The following CRADD variants were observed in gnomAD, a reference collection of about 807,000 sequenced individuals.
CRADD encodes CARD and death domain containing adaptor protein, also known as death domain-containing protein CRADD.
Under a neutral mutation model 15.5 loss-of-function variants are expected in CRADD, and 9 were observed. The ratio of observed to expected loss-of-function variants is 0.58; its 90% confidence interval spans 0.35 to 1.01. CRADD has a LOEUF of 1.01. Ranked by LOEUF, CRADD falls within the 50% of genes least tolerant of loss-of-function variation. CRADD has a pLI of 0.02. For synonymous variants in CRADD, 118 were observed against 107.6 expected, an observed-to-expected ratio of 1.10 and a Z score of -0.60; for missense variants, 227 against 250.3, an observed-to-expected ratio of 0.91 and a Z score of 0.63.
At chr12:93,783,231 T>G (rs1270615750) in intron 2 of CRADD, among the ~76,000 whole-genome samples, 1 of 19,230 alleles carries the variant, frequency 5.2e-5, no homozygotes, top group Non-Finnish European at 1.2e-4. Context: ...GGTATAGGTA[T>G]TATTATTATT....
chr12:93,760,974 T>C (rs1294512483), intron 2 of CRADD, among the ~76,000 whole-genome samples: 2 of 151,806 alleles, frequency 1.3e-5, no homozygotes, highest in Non-Finnish European at 2.9e-5. Flanking sequence ...GCCAGGGCTG[T>C]AAGGTGGGCA....
intron 2 of CRADD, among the ~76,000 whole-genome samples, chr12:93,707,195 G>A (rs1362183379): frequency 6.6e-6 from 1 of 152,186 alleles, no homozygotes; most frequent in African/African-American, 2.4e-5. Context: ...ATGATTGGGA[G>A]GAAGGCACTC....
chr12:93,772,368 G>A (rs1474244239), intron 2 of CRADD, among the ~76,000 whole-genome samples: 2 of 152,192 alleles, frequency 1.3e-5, no homozygotes, highest in Non-Finnish European at 2.9e-5. Flanking sequence ...CTTTACAAAA[G>A]AGGCAATATG....
rs1303352745 is a variant in CRADD, at chr12:93,683,049, A to G, written c.298+3977A>G. 2.0e-5 allele frequency among the ~76,000 whole-genome samples: 3 copies of G among 152,208 alleles called. No homozygotes were observed. The East Asian group carries it at 5.8e-4, about 29-fold the overall frequency. ...GCTCCTGTCAGGTCATTTAGGAGATAGGGACAGTGCCGTGTCTGGGTGAAG... is the reference window on the plus strand; with the variant it reads ...GCTCCTGTCAGGTCATTTAGGAGATGGGGACAGTGCCGTGTCTGGGTGAAG... On this transcript the variant is annotated intron_variant, in intron 2 of 2. Transcript: ENST00000332896.
chr12:93,700,591 C>T lies in CRADD; in HGVS notation c.298+21519C>T, dbSNP rs770272109. ...AACGACAGGCGCCCACCACCATGCC[C>T]GGCTAATTTTTTGTATTTTTAGTAG... On this transcript the variant is annotated intron_variant, in intron 2 of 2. Transcript: ENST00000332896. 2.6e-5 allele frequency among the ~76,000 whole-genome samples: 4 copies of T among 152,106 alleles called. No individual in the cohort carries two copies. In the East Asian group the frequency reaches 5.8e-4, roughly 22 times the overall value.
chr12:93,730,962 C>T (rs1230955120), intron 2 of CRADD, among the ~76,000 whole-genome samples: 3 of 152,146 alleles, frequency 2.0e-5, no homozygotes, highest in African/African-American at 7.2e-5. Flanking sequence ...AACTGATCTG[C>T]CTGCCTTGGC....
chr12:93,743,883 T>G (rs1363420078), intron 2 of CRADD, among the ~76,000 whole-genome samples: 2 of 152,204 alleles, frequency 1.3e-5, no homozygotes, highest in Non-Finnish European at 2.9e-5. Flanking sequence ...ATTTCACACT[T>G]ATATCCTGTT....
intron 2 of CRADD, among the ~76,000 whole-genome samples, chr12:93,722,213 T>G (rs1394373837): frequency 1.3e-5 from 2 of 152,224 alleles, no homozygotes; most frequent in Non-Finnish European, 2.9e-5. Context: ...AGATATAATT[T>G]TTATCTTTGT....
intron 2 of CRADD, among the ~76,000 whole-genome samples, chr12:93,843,783 C>T (rs1029948813): frequency 6.6e-6 from 1 of 151,314 alleles, no homozygotes; most frequent in African/African-American, 2.4e-5. Flanking sequence ...TGCAGTGATG[C>T]GATCTCAGCT....
chr12:93,769,924 C>T (rs1412076747), intron 2 of CRADD, among the ~76,000 whole-genome samples: 1 of 152,118 alleles, frequency 6.6e-6, no homozygotes, highest in Non-Finnish European at 1.5e-5. Flanking sequence ...TCAGCAATGT[C>T]TTCTTCCACT....
Position 93,835,267 on chromosome 12 carries a change from T to C in CRADD, c.299-14703T>C, listed in dbSNP as rs189061872. ...CACTATACTTTATTCCCCTTAGAAT[T>C]TTGGAGGAATTGTTTCTTTATCTTT... On this transcript the variant is annotated intron_variant, in intron 2 of 2. Coordinates refer to ENST00000332896, the MANE Select transcript of CRADD (RefSeq NM_003805.5). Among the ~76,000 whole-genome samples the C allele has an allele frequency of 1.2e-3, 188 of 152,306 alleles. 1 individual carries two copies. The highest frequency in any genetic ancestry group is 2.8e-4 in the Non-Finnish European group (19 of 68,036).
At chr12:93,878,388 C>A (rs866049130) in intron 2 of CRADD, among the ~76,000 whole-genome samples, 20 of 152,144 alleles carry the variant, frequency 1.3e-4, no homozygotes, top group African/African-American at 4.8e-4. Flanking sequence ...TCACTCTTCC[C>A]TTTTCTCTCC....
At chr12:93,686,162 G>C (rs1409829359) in intron 2 of CRADD, among the ~76,000 whole-genome samples, 1 of 151,702 alleles carries the variant, frequency 6.6e-6, no homozygotes, top group Non-Finnish European at 1.5e-5. Context: ...TTAACCGGGT[G>C]TGGTGGCAGG....
Position 93,795,663 on chromosome 12 carries a change from G to A in CRADD, c.299-54307G>A, listed in dbSNP as rs140840445. Among the ~76,000 whole-genome samples the A allele has an allele frequency of 1.6e-3, 247 of 152,210 alleles. 1 individual carries two copies. The highest frequency in any genetic ancestry group is 5.7e-3 in the African/African-American group (236 of 41,546). The stretch of plus-strand genomic sequence containing the variant: ...TCTTATCTTTTCCCAACTATTTTTA[G>A]TTGTCAAATTGCTCCTTTCTTTCCC... On this transcript the variant is annotated intron_variant, in intron 2 of 2. Coordinates refer to ENST00000332896, the MANE Select transcript of CRADD (RefSeq NM_003805.5).
chr12:93,853,064 C>T (rs1481407362), downstream of CRADD, among the ~76,000 whole-genome samples: 1 of 152,092 alleles, frequency 6.6e-6, no homozygotes, highest in Non-Finnish European at 1.5e-5. Flanking sequence ...TTTTCTCTGC[C>T]TGCATATCCT....
chr12:93,863,596 TTGTGTGTG>T lies in CRADD; in HGVS notation c.299-30413_299-30406del, dbSNP rs1157061528. Among the ~76,000 whole-genome samples, 643 of 124,850 alleles carry T rather than the reference TTGTGTGTG, an allele frequency of 5.2e-3. 4 individuals carry two copies. The highest frequency in any genetic ancestry group is 0.016 in the African/African-American group (524 of 32,866). The allele number at this position is 124,850 out of a possible 152,430, so 81.9% of individuals were successfully genotyped here. On this transcript the variant is annotated intron_variant, in intron 2 of 2. Transcript: ENST00000548483. The stretch of plus-strand genomic sequence containing the variant: ...GGCCTTTGAAAATGTGTGGAGGCAT[TTGTGTGTG>T]TGTGTGTGTGTGTGTGTGTGTGTGT...
intron 2 of CRADD, among the ~76,000 whole-genome samples, chr12:93,769,202 C>T (rs1310135801): frequency 2.6e-5 from 4 of 152,072 alleles, no homozygotes; most frequent in Non-Finnish European, 5.9e-5. Context: ...CCAAGTTAGC[C>T]GCCTGAGTAG....
intron 2 of CRADD, among the ~76,000 whole-genome samples, chr12:93,713,140 C>T (rs1326179552): frequency 2.0e-5 from 3 of 152,046 alleles, no homozygotes; most frequent in Non-Finnish European, 4.4e-5. Flanking sequence ...AGGACACAGT[C>T]TCAGGAGCCC....
At position 93,692,146 on chromosome 12, in the gene CRADD, C is replaced by T. The variant is rs548080536; in HGVS notation, c.298+13074C>T. Among the ~76,000 whole-genome samples the T allele has an allele frequency of 2.0e-5, 3 of 151,958 alleles. No individual in the cohort carries two copies. The South Asian group carries it at 6.2e-4, about 31-fold the overall frequency. ...GAATTAATCAAGCAGAAGAAAGAAT[C>T]TGTAAACTTGAAGACATTATTTAAA... On this transcript the variant is annotated intron_variant, in intron 2 of 2. Coordinates refer to ENST00000332896, the MANE Select transcript of CRADD (RefSeq NM_003805.5).
Sources: allele counts gnomAD v4.1 joint callset (sites outside exome capture counted in the v4.1 genomes callset), GRCh38; gene constraint gnomAD v4.1.1; transcripts MANE v1.5; gene names NCBI Gene and HGNC (gene_info 2026-07-23, HGNC 2026-07-21).